The following ZNF331 variants were observed in gnomAD, a reference collection of about 807,000 sequenced individuals.
ZNF331 encodes C2H2-like zinc finger protein rearranged in thyroid adenomas.
A neutral mutation model predicts 7.0 loss-of-function variants in ZNF331; 2 were observed. The observed-to-expected ratio is 0.29, with a 90% confidence interval of 0.12 to 0.90. ZNF331 has a LOEUF of 0.90. ZNF331 is among the 40% of genes least tolerant of loss of function. The pLI is 0.58. For missense variants in ZNF331, 432 were observed against 587.7 expected (o/e 0.74, Z 2.74); for synonymous variants, 196 against 205.4 (o/e 0.95, Z 0.39).
chr19:53,566,833 G>C (rs981563201), intron 3 of ZNF331, among the ~76,000 whole-genome samples: 2 of 151,702 alleles, frequency 1.3e-5, no homozygotes, highest in African/African-American at 4.8e-5. Context: ...TTTTCTTTCT[G>C]TTTCTCTGTT....
At chr19:53,549,892 C>T (rs1043699880) in intron 2 of ZNF331, among the ~76,000 whole-genome samples, 9 of 152,110 alleles carry the variant, frequency 5.9e-5, no homozygotes, top group African/African-American at 1.9e-4. Flanking sequence ...TATAAACTTC[C>T]GGCTTAGAAC....
upstream of ZNF331, among the ~76,000 whole-genome samples, chr19:53,535,187 C>T (rs1450918016): frequency 1.3e-5 from 2 of 151,406 alleles, no homozygotes; most frequent in African/African-American, 2.4e-5. Flanking sequence ...CCTCTGCCTC[C>T]CGGGTTCAAG....
At chr19:53,575,929 AC>A (rs2090699589) in intron 5 of ZNF331, among the ~76,000 whole-genome samples, 2 of 151,598 alleles carry the variant, frequency 1.3e-5, no homozygotes, top group South Asian at 4.2e-4. Context: ...TGATCTGCCC[AC>A]CTCGGCCTCC....
At position 53,539,729 on chromosome 19, in the gene ZNF331, CTAAGGAGATACTCTGTAATTTCATGGCAT is replaced by C. The variant is rs1396034829; in HGVS notation, c.-138+452_-138+480del. On this transcript the variant is annotated intron_variant, in intron 2 of 5. Coordinates refer to ENST00000449416, the MANE Select transcript of ZNF331 (RefSeq NM_001079906.2). The surrounding 1 kb of genome is among the most constrained non-coding windows in gnomAD (Gnocchi z 6.1). ...GTATCTGTCCCCCACCACCACCACC[CTAAGGAGATACTCTGTAATTTCATGGCAT>C]TAAGAAGGATGGACATGCCCCAAAG... Among the ~76,000 whole-genome samples the C allele has an allele frequency of 3.9e-5, 6 of 152,138 alleles. No homozygotes were observed. Among genetic ancestry groups the C allele is most frequent in the Non-Finnish European group, 8.8e-5 (6 of 68,036 alleles).
intron 1 of ZNF331, among the ~76,000 whole-genome samples, chr19:53,522,262 T>A (rs1159137393): frequency 6.6e-6 from 1 of 151,248 alleles, no homozygotes; most frequent in Non-Finnish European, 1.5e-5. Context: ...CTTTGTTTTT[T>A]TTTTTTTTGA....
rs1179745182 is a variant in ZNF331 at position 53,573,866 on chromosome 19, A to G, written c.136+2136A>G. On this transcript the variant is annotated intron_variant, in intron 5 of 5. Coordinates refer to ENST00000449416, the MANE Select transcript of ZNF331 (RefSeq NM_001079906.2). This position sits in a 1 kb window ranked among gnomAD's most constrained non-coding sequence, Gnocchi z 4.2. The stretch of plus-strand genomic sequence containing the variant: ...GGTGGTTCACGCCTATAATCCCAGC[A>G]CTTTGGGAGTCCAAGGCGGGCAGAT... Among the ~76,000 whole-genome samples the G allele has an allele frequency of 1.3e-5, 2 of 152,198 alleles. No homozygotes were observed. The highest frequency in any genetic ancestry group is 4.8e-5 in the African/African-American group (2 of 41,450).
intron 2 of ZNF331, among the ~76,000 whole-genome samples, chr19:53,529,169 A>C (rs1298467393): frequency 6.6e-6 from 1 of 152,066 alleles, no homozygotes; most frequent in Non-Finnish European, 1.5e-5. Flanking sequence ...TTGGGAGCTG[A>C]GGCGGGTGGA....
chr19:53,516,462 A>AG (rs1358388414), upstream of ZNF331, among the ~76,000 whole-genome samples: 1 of 152,048 alleles, frequency 6.6e-6, no homozygotes, highest in Non-Finnish European at 1.5e-5. Flanking sequence ...AAAAAAAAAA[A>AG]AAAGTATTAA....
chr19:53,556,493 ATTT>A (rs376305079), intron 3 of ZNF331, among the ~76,000 whole-genome samples: 1 of 141,132 alleles, frequency 7.1e-6, no homozygotes, highest in Non-Finnish European at 1.6e-5. Flanking sequence ...TTTTTTTTTA[ATTT>A]TTTTTTTTTT....
At chr19:53,520,660 C>G (rs1397472289), upstream of ZNF331, among the ~76,000 whole-genome samples, 7 of 152,240 alleles carry the variant, frequency 4.6e-5, no homozygotes, top group African/African-American at 1.7e-4. Context: ...CTAAGGATTC[C>G]CGCGTAGTGA....
intron 3 of ZNF331, among the ~76,000 whole-genome samples, chr19:53,556,590 G>C (rs986615950): frequency 1.3e-5 from 2 of 151,406 alleles, no homozygotes; most frequent in Non-Finnish European, 1.5e-5. Context: ...CTCAAAAAGT[G>C]CTTGGATTAC....
rs1287510664 is a variant in ZNF331 at position 53,560,795 on chromosome 19, T to G, written c.-74+4887T>G. 6.6e-6 allele frequency among the ~76,000 whole-genome samples: 1 copy of G among 152,182 alleles called. No homozygotes were observed. Among genetic ancestry groups the G allele is most frequent in the African/African-American group, 2.4e-5 (1 of 41,442 alleles). On this transcript the variant is annotated intron_variant, in intron 3 of 5. Coordinates refer to ENST00000449416, the MANE Select transcript of ZNF331 (RefSeq NM_001079906.2). This position sits in a 1 kb window ranked among gnomAD's most constrained non-coding sequence, Gnocchi z 4.3. ...CACTCTGACCCTCCTCCTCTAAGTT[T>G]AAGGACTCTGGTCATTACATTGCGC... is the stretch of plus-strand genomic sequence containing the variant.
chr19:53,511,208 A>C, the ZNF331 span, among the ~76,000 whole-genome samples: 14 of 152,306 alleles, frequency 9.2e-5, no homozygotes, highest in African/African-American at 3.4e-4. Context: ...TCTAAAGTAT[A>C]AAATACTTAG....
At chr19:53,509,515 CTTGTG>C in the ZNF331 span, among the ~76,000 whole-genome samples, 2 of 152,138 alleles carry the variant, frequency 1.3e-5, no homozygotes, top group South Asian at 4.1e-4. Flanking sequence ...AGAATCAAAG[CTTGTG>C]TCTGATACTA....
chr19:53,577,637 A>G lies in ZNF331; in HGVS notation c.1077A>G (p.Glu359=), dbSNP rs2090780271. Residue 359 remains glutamate, a synonymous_variant, in exon 6 of 6, where the codon GAA becomes GAG. Coordinates refer to ENST00000449416, the MANE Select transcript of ZNF331 (RefSeq NM_001079906.2). ...GCGAGAAGCCGTACAAGTGCACAGA[A>G]TGTGGGAAGGCCTTCAATTGTGGCT... ...HTGEKPYKCT[E]CGKAFNCGYH... is the part of the protein sequence containing the mutation. 1.9e-6 allele frequency: 3 copies of G among 1,613,572 alleles called. No homozygotes were observed. Among genetic ancestry groups the G allele is most frequent in the African/African-American group, 2.7e-5 (2 of 74,764 alleles).
intron 2 of ZNF331, chr19:53,522,800 G>A (rs968454195): frequency 2.0e-5 from 3 of 152,124 alleles, no homozygotes; most frequent in African/African-American, 7.2e-5. Flanking sequence ...CCTCCCCAAG[G>A]GATGTGACAG....
intron 5 of ZNF331, among the ~76,000 whole-genome samples, chr19:53,575,405 T>G (rs2147703192): frequency 6.6e-6 from 1 of 152,230 alleles, no homozygotes; most frequent in South Asian, 2.1e-4. Context: ...TTTTCCTTAT[T>G]GTTCTTCTAA....
At chr19:53,576,539 A>G (rs8106447) in intron 5 of ZNF331, among the ~76,000 whole-genome samples, 158 bp from the exon 6 acceptor site, 114,356 of 152,178 alleles carry the variant, frequency 0.75, 43,684 homozygotes, top group African/African-American at 0.89. Context: ...TTAGTATTGT[A>G]CCAGAAGTAG....
At chr19:53,549,668 T>C (rs1173340286) in intron 2 of ZNF331, among the ~76,000 whole-genome samples, 1 of 151,014 alleles carries the variant, frequency 6.6e-6, no homozygotes, top group African/African-American at 2.4e-5. Context: ...AAATCCTATG[T>C]ATGGGAACAG....
Sources: gnomAD v4.1 joint callset for allele counts (sites outside exome capture counted in the v4.1 genomes callset) on GRCh38, gnomAD v4.1.1 for gene constraint, Gnocchi (gnomAD v3.1) non-coding constraint, MANE v1.5 for transcripts, NCBI Gene and HGNC (gene_info 2026-07-23, HGNC 2026-07-21) for gene names.